The following TCERG1L variants were observed in gnomAD, a reference collection of about 807,000 sequenced individuals.
TCERG1L encodes the protein transcription elongation regulator 1 like.
TCERG1L carries 37 observed loss-of-function variants against 56.3 expected under a neutral mutation model. The observed-to-expected ratio is 0.66, with a 90% CI of 0.51 to 0.87. The LOEUF (loss-of-function observed/expected upper bound fraction) is 0.87. Ranked by LOEUF, TCERG1L falls within the 40% of genes least tolerant of loss-of-function variation. The probability of loss-of-function intolerance (pLI) is 0.00; values close to 1 mark genes in which losing one functional copy is unlikely to be tolerated. For synonymous variants in TCERG1L, 324 were observed against 326.3 expected (o/e 0.99, Z 0.08); for missense variants, 799 against 774.2 (o/e 1.03, Z -0.38).
chr10:131,111,655 TTCCTC>T (rs1179348830), intron 9 of TCERG1L, among the ~76,000 whole-genome samples: 1 of 142,752 alleles, frequency 7.0e-6, no homozygotes, highest in Non-Finnish European at 1.6e-5. Context: ...CGGTCACGAT[TTCCTC>T]GCACAGCCTG....
chr10:131,202,111 G>A (rs768081767), intron 4 of TCERG1L, among the ~76,000 whole-genome samples: 21 of 152,164 alleles, frequency 1.4e-4, no homozygotes, highest in African/African-American at 1.9e-4. Flanking sequence ...TTCCAGAAGC[G>A]TTGTACCAAA....
intron 7 of TCERG1L, among the ~76,000 whole-genome samples, chr10:131,145,843 C>A (rs1273263102): frequency 6.6e-6 from 1 of 152,244 alleles, no homozygotes; most frequent in African/African-American, 2.4e-5. Context: ...TTTGAATCCA[C>A]ATGCTCTGGG....
chr10:131,277,633 G>T (rs1846406643), intron 3 of TCERG1L, among the ~76,000 whole-genome samples: 1 of 152,216 alleles, frequency 6.6e-6, no homozygotes, highest in Admixed American at 6.5e-5. Context: ...GCAGACCAGG[G>T]ACAAGCTAAC....
At chr10:131,107,988 CAG>C (rs1491436461) in intron 9 of TCERG1L, among the ~76,000 whole-genome samples, 8 of 150,660 alleles carry the variant, frequency 5.3e-5, no homozygotes, top group Non-Finnish European at 8.9e-5. Context: ...CACACACACA[CAG>C]AGTACCACTA....
intron 3 of TCERG1L, among the ~76,000 whole-genome samples, chr10:131,307,294 C>A (rs1846826754): frequency 6.6e-6 from 1 of 152,136 alleles, no homozygotes; most frequent in Non-Finnish European, 1.5e-5. Context: ...AGTTGTTCTT[C>A]CTGACTTATT....
At chr10:131,094,754 G>A (rs1008705316) in intron 11 of TCERG1L, among the ~76,000 whole-genome samples, 2 of 150,582 alleles carry the variant, frequency 1.3e-5, no homozygotes, top group Non-Finnish European at 2.9e-5. Context: ...TTCCTTTACT[G>A]ATGTAACCAC....
At chr10:131,308,503 A>G in intron 2 of TCERG1L, 112 bp from the exon 3 acceptor site, 3 of 853,972 alleles carry the variant, frequency 3.5e-6, no homozygotes, top group Non-Finnish European at 5.4e-6. Context: ...TGAACATTCT[A>G]TTATTGGGGA....
intron 4 of TCERG1L, among the ~76,000 whole-genome samples, chr10:131,194,665 A>AT (rs1280261470): frequency 2.0e-5 from 3 of 152,064 alleles, no homozygotes; most frequent in South Asian, 2.1e-4. Flanking sequence ...TTATGGTTTC[A>AT]TTTTTTGCAC....
chr10:131,311,621 G>C lies in TCERG1L; in HGVS notation c.15C>G (p.Ala5=), dbSNP rs1197167344. 2.6e-6 allele frequency: 3 copies of C among 1,138,186 alleles called. No individual in the cohort carries two copies. Among genetic ancestry groups the C allele is most frequent in the East Asian group, 8.8e-5 (2 of 22,720 alleles). The allele number at this position is 1,138,186 out of a possible 1,614,324, so 70.5% of individuals were successfully genotyped here. A position where few individuals can be genotyped will look rare whatever the true frequency, so the allele number is the denominator to read the frequency against. The change falls in exon 1 of 12, where the codon GCC becomes GCG. Residue 5 remains alanine (A), a synonymous_variant. Coordinates refer to ENST00000368642, the MANE Select transcript of TCERG1L (RefSeq NM_174937.4). The surrounding 1 kb of genome is among the most constrained non-coding windows in gnomAD (Gnocchi z 4.0). ...GCTGCCGCCGCCGCCGCTGGAACCTGGCGCCCGCCTGCATCCTACATCCCC... is the reference window on the plus strand; with the variant it reads ...GCTGCCGCCGCCGCCGCTGGAACCTCGCGCCCGCCTGCATCCTACATCCCC... MQAG[A]RFQRRRRQLQ... is the part of the protein sequence containing the mutation.
chr10:131,194,570 G>A (rs1178131124), intron 4 of TCERG1L, among the ~76,000 whole-genome samples: 1 of 152,114 alleles, frequency 6.6e-6, no homozygotes, highest in Non-Finnish European at 1.5e-5. Context: ...ATTTTCTAGT[G>A]GAGCTTCCAG....
chr10:131,142,867 G>A (rs1471166415), intron 7 of TCERG1L, among the ~76,000 whole-genome samples: 1 of 152,236 alleles, frequency 6.6e-6, no homozygotes, highest in Non-Finnish European at 1.5e-5. Context: ...TGGCAGAAAG[G>A]ATGGAGGTTG....
intron 4 of TCERG1L, among the ~76,000 whole-genome samples, chr10:131,208,516 C>G (rs368551461): frequency 1.2e-4 from 18 of 152,220 alleles, no homozygotes; most frequent in African/African-American, 4.3e-4. Flanking sequence ...TGTGTCTGAG[C>G]AGACAGATTT....
intron 6 of TCERG1L, among the ~76,000 whole-genome samples, chr10:131,157,009 C>T (rs982803957): frequency 2.0e-5 from 3 of 152,196 alleles, no homozygotes; most frequent in Non-Finnish European, 2.9e-5. Context: ...TAGCTCTTAC[C>T]TCTTTAGGCA....
chr10:131,287,992 T>G (rs1278956905), intron 3 of TCERG1L, among the ~76,000 whole-genome samples: 1 of 152,176 alleles, frequency 6.6e-6, no homozygotes, highest in East Asian at 1.9e-4. Flanking sequence ...ACAAATGTTT[T>G]CCACACACAA....
rs1355892355 is a variant in TCERG1L, at chr10:131,111,145, G to A, written c.1395+5654C>T. Among the ~76,000 whole-genome samples, 6 of 143,306 alleles carry A rather than the reference G, an allele frequency of 4.2e-5. 1 individual carries two copies. The highest frequency in any genetic ancestry group is 9.4e-5 in the Non-Finnish European group (6 of 63,558). The allele number at this position is 143,306 out of a possible 152,430, so 94.0% of individuals were successfully genotyped here. A position where few individuals can be genotyped will look rare whatever the true frequency, so the allele number is the denominator to read the frequency against. On this transcript the variant is annotated intron_variant, in intron 9 of 11. Transcript: ENST00000368642. ...CCTCAGATCAGGGGCGCAGTCCACG[G>A]CCTCTCCAAGGAAAGCTGGAGCCAT...
At chr10:131,121,098 C>T (rs1026836042) in intron 8 of TCERG1L, among the ~76,000 whole-genome samples, 2 of 152,194 alleles carry the variant, frequency 1.3e-5, no homozygotes, top group African/African-American at 4.8e-5. Flanking sequence ...AGAGACTCTG[C>T]AGAAACAGCA....
chr10:131,245,307 G>A (rs535880207), intron 4 of TCERG1L, among the ~76,000 whole-genome samples: 5 of 152,232 alleles, frequency 3.3e-5, no homozygotes, highest in Non-Finnish European at 7.3e-5. Flanking sequence ...ACCAGGCAGC[G>A]TGGCCAGGCC....
At chr10:131,126,117 T>G (rs1845563103) in intron 8 of TCERG1L, among the ~76,000 whole-genome samples, 1 of 152,246 alleles carries the variant, frequency 6.6e-6, no homozygotes, top group Admixed American at 6.5e-5. Flanking sequence ...GCTTCTGCCC[T>G]GCTCGCTTCA....
chr10:131,308,130 A>C, intron 3 of TCERG1L, 81 bp downstream of exon 3: 1 of 1,242,310 alleles, frequency 8.0e-7, no homozygotes. Context: ...TAAAATGATG[A>C]GTATGGTTTT....
Sources: allele counts gnomAD v4.1 joint callset (sites outside exome capture counted in the v4.1 genomes callset), GRCh38; gene constraint gnomAD v4.1.1; non-coding constraint Gnocchi (gnomAD v3.1); transcripts MANE v1.5; gene names NCBI Gene and HGNC (gene_info 2026-07-23, HGNC 2026-07-21).